Variants in BEND3 observed in about 807,000 individuals in gnomAD.
BEND3 encodes BEN domain-containing protein 3.
BEND3 carries 13 observed loss-of-function variants against 60.1 expected under a neutral mutation model. The observed-to-expected ratio is 0.22, with a 90% CI of 0.14 to 0.34. The LOEUF (loss-of-function observed/expected upper bound fraction) is 0.34. Among genes scored for constraint, BEND3 ranks in the 10% least tolerant of loss-of-function variants. The pLI is 1.00. For synonymous variants in BEND3, 497 were observed against 491.5 expected, an observed-to-expected ratio of 1.01 and a Z score of -0.15; for missense variants, 896 against 1,138.1, an observed-to-expected ratio of 0.79 and a Z score of 3.06.
At position 107,077,060 on chromosome 6, in the gene BEND3, C is replaced by T. The variant is rs183862908; in HGVS notation, c.241-6110G>A. Among the ~76,000 whole-genome samples the T allele has an allele frequency of 3.9e-4, 59 of 152,010 alleles. 1 individual carries two copies. Among genetic ancestry groups the T allele is most frequent in the Admixed American group, 3.8e-3 (58 of 15,232 alleles). The stretch of plus-strand genomic sequence containing the variant: ...GAGACCCTGTACTTATTTTTCTATC[C>T]TGGGTATTAATTAGGGCAGGTCTCC... On this transcript the variant is annotated intron_variant, in intron 3 of 3. Transcript: ENST00000369042.
chr6:107,099,309 A>G lies in BEND3; in HGVS notation c.-11-13T>C. 1 of 1,603,720 alleles carries G rather than the reference A, an allele frequency of 6.2e-7. No individual in the cohort carries two copies. Among genetic ancestry groups the G allele is most frequent in the African/African-American group, 1.3e-5 (1 of 74,764 alleles). ...ATCTTCTATTCCGCTAAATAAAAAG[A>G]CAAAGACAATGTGTTGACTTATTGC... On this transcript the variant is annotated splice_polypyrimidine_tract_variant and intron_variant, in intron 1 of 3. Coordinates refer to ENST00000369042, the MANE Select transcript of BEND3 (RefSeq NM_001367314.1).
chr6:107,099,315 A>G lies in BEND3; in HGVS notation c.-11-19T>C. On this transcript the variant is annotated intron_variant, in intron 1 of 3. Coordinates refer to ENST00000369042, the MANE Select transcript of BEND3 (RefSeq NM_001367314.1). The stretch of plus-strand genomic sequence containing the variant: ...TATTCCGCTAAATAAAAAGACAAAG[A>G]CAATGTGTTGACTTATTGCTTGATT... 6.3e-7 allele frequency: 1 copy of G among 1,592,422 alleles called. No individual in the cohort carries two copies. The highest frequency in any genetic ancestry group is 1.7e-5 in the Admixed American group (1 of 59,416).
chr6:107,074,660 T>G (rs1435508129), intron 3 of BEND3, among the ~76,000 whole-genome samples: 1 of 152,132 alleles, frequency 6.6e-6, no homozygotes, highest in African/African-American at 2.4e-5. Flanking sequence ...TTCTGTTCTG[T>G]TATCTGGCAT....
In BEND3 at chr6:107,069,499, G is replaced by A. The variant is rs199563578; in HGVS notation, c.1692C>T (p.Tyr564=). ...AGTTGCCGATGGACAGGCTGCTCTCGTAGATGCTGCGTAGCTGCTCCTTGC... is the reference window on the plus strand; with the variant it reads ...AGTTGCCGATGGACAGGCTGCTCTCATAGATGCTGCGTAGCTGCTCCTTGC... ...LLSKEQLRSI[Y]ESSLSIGNFA... Residue 564 remains tyrosine (Y), a synonymous_variant, in exon 4 of 4, where the codon TAC becomes TAT. Coordinates refer to ENST00000369042, the MANE Select transcript of BEND3 (RefSeq NM_001367314.1). 5.6e-6 allele frequency: 9 copies of A among 1,612,940 alleles called. No individual in the cohort carries two copies. The highest frequency in any genetic ancestry group is 1.7e-5 in the Admixed American group (1 of 60,004).
chr6:107,106,612 A>C (rs1389465442), intron 1 of BEND3, among the ~76,000 whole-genome samples: 7 of 149,344 alleles, frequency 4.7e-5, no homozygotes, highest in African/African-American at 1.7e-4. Context: ...CAGTTTTTTC[A>C]TTTTTTTTTT....
intron 3 of BEND3, among the ~76,000 whole-genome samples, chr6:107,078,594 A>G (rs1775151737): frequency 1.4e-5 from 2 of 147,836 alleles, no homozygotes; most frequent in Non-Finnish European, 3.0e-5. Context: ...TGCTGGGATT[A>G]CAGGCGTGAG....
intron 1 of BEND3, among the ~76,000 whole-genome samples, chr6:107,101,830 G>A (rs981218307): frequency 2.0e-5 from 3 of 152,180 alleles, no homozygotes; most frequent in African/African-American, 7.2e-5. Flanking sequence ...GAAACACACT[G>A]CAGGTCACCT....
chr6:107,113,440 AAAAAAAAAAAAAAC>A (rs1382385033), intron 1 of BEND3, among the ~76,000 whole-genome samples: 4 of 73,460 alleles, frequency 5.4e-5, no homozygotes, highest in Non-Finnish European at 5.8e-5. Context: ...TCCGTCTCAA[AAAAAAAAAAAAAAC>A]AAAAAAAAAA....
intron 1 of BEND3, chr6:107,114,178 G>A (rs1254078535): frequency 6.6e-6 from 1 of 152,274 alleles, no homozygotes; most frequent in Admixed American, 6.5e-5. Flanking sequence ...CAAATCGGTG[G>A]TGCACAGCTC....
chr6:107,086,057 G>A (rs1017654063), intron 3 of BEND3, among the ~76,000 whole-genome samples: 1 of 152,128 alleles, frequency 6.6e-6, no homozygotes, highest in Non-Finnish European at 1.5e-5. Context: ...AATGTGCTGG[G>A]ATTACAGGCA....
intron 1 of BEND3, among the ~76,000 whole-genome samples, chr6:107,114,881 G>A (rs1770230239): frequency 6.7e-6 from 1 of 149,166 alleles, no homozygotes; most frequent in Non-Finnish European, 1.5e-5. Context: ...CGAGCCCGTG[G>A]GCGCCCGGCG....
At chr6:107,104,120 T>TA (rs532658889) in intron 1 of BEND3, among the ~76,000 whole-genome samples, 23 of 149,326 alleles carry the variant, frequency 1.5e-4, no homozygotes, top group African/African-American at 4.2e-4. Context: ...CCATCTCTAC[T>TA]AAAAAAAATA....
intron 3 of BEND3, among the ~76,000 whole-genome samples, chr6:107,074,396 C>G (rs1554232511): frequency 6.6e-6 from 1 of 152,146 alleles, no homozygotes. Context: ...GCCTGGGCAA[C>G]AGAGTGAGAC....
At chr6:107,089,118 A>G (rs1775416810) in intron 3 of BEND3, among the ~76,000 whole-genome samples, 1 of 145,528 alleles carries the variant, frequency 6.9e-6, no homozygotes, top group African/African-American at 2.6e-5. Context: ...AGCCTGGGCA[A>G]AAGATCGAGA....
chr6:107,089,028 C>A (rs143141929), intron 3 of BEND3, among the ~76,000 whole-genome samples: 155 of 152,080 alleles, frequency 1.0e-3, no homozygotes, highest in African/African-American at 3.4e-3. Context: ...TGCCTGTAAT[C>A]CCAGTTACTT....
intron 1 of BEND3, among the ~76,000 whole-genome samples, chr6:107,102,986 TAG>T (rs1480410249): frequency 6.6e-6 from 1 of 152,148 alleles, no homozygotes; most frequent in African/African-American, 2.4e-5. Context: ...GAGGAAATAA[TAG>T]AGTCTTCATT....
chr6:107,092,317 T>C (rs979433998), intron 3 of BEND3, among the ~76,000 whole-genome samples: 2 of 150,656 alleles, frequency 1.3e-5, no homozygotes, highest in African/African-American at 2.4e-5. Flanking sequence ...TGCAAAGGGG[T>C]TCATCATTTA....
chr6:107,093,711 A>G (rs1284482034), intron 3 of BEND3, among the ~76,000 whole-genome samples: 1 of 152,234 alleles, frequency 6.6e-6, no homozygotes, highest in African/African-American at 2.4e-5. Context: ...CAATCTAGAC[A>G]TAGTCCTTAC....
At chr6:107,101,984 G>A (rs1554236793) in intron 1 of BEND3, among the ~76,000 whole-genome samples, 1 of 152,188 alleles carries the variant, frequency 6.6e-6, no homozygotes, top group Non-Finnish European at 1.5e-5. Context: ...ATTTGGCAGA[G>A]AAAAGGCAGA....
Sources: allele counts gnomAD v4.1 joint callset (sites outside exome capture counted in the v4.1 genomes callset), GRCh38; gene constraint gnomAD v4.1.1; transcripts MANE v1.5; gene names NCBI Gene and HGNC (gene_info 2026-07-23, HGNC 2026-07-21).